The following WWOX variants were observed in gnomAD, a reference collection of about 807,000 sequenced individuals.
WWOX encodes the protein WW domain-containing oxidoreductase.
WWOX carries 69 observed loss-of-function variants against 46.2 expected under a neutral mutation model. The ratio of observed to expected loss-of-function variants is 1.49; its 90% CI spans 1.23 to 1.82. The LOEUF is 1.82. Among genes scored for constraint, WWOX ranks in the 40% most tolerant of loss-of-function variants. The pLI is 0.00. For synonymous variants in WWOX, 359 were observed against 202.6 expected (o/e 1.77, Z -6.56); for missense variants, 919 against 542.6 (o/e 1.69, Z -6.89).
At chr16:79,187,690 C>T (rs985014834) in intron 8 of WWOX, among the ~76,000 whole-genome samples, 12 of 151,994 alleles carry the variant, frequency 7.9e-5, no homozygotes, top group African/African-American at 1.9e-4. Context: ...TACAGGCATG[C>T]GCCACCATGC....
rs1449913227 is a variant in WWOX at position 79,104,863 on chromosome 16, C to G, written c.1057-106745C>G. Among the ~76,000 whole-genome samples the G allele has an allele frequency of 2.6e-5, 4 of 152,110 alleles. No homozygotes were observed. In the East Asian group the frequency reaches 7.7e-4, roughly 29 times the overall value. On this transcript the variant is annotated intron_variant, in intron 8 of 8. Coordinates refer to ENST00000566780, the MANE Select transcript of WWOX (RefSeq NM_016373.4). Reference sequence around the variant, plus strand: ...CAATCCCCACTTGACCAAAGGTGTCCAAACCTCGACAGACAGCGGCCAGAG... The same window carrying G: ...CAATCCCCACTTGACCAAAGGTGTCGAAACCTCGACAGACAGCGGCCAGAG...
chr16:79,144,725 T>G (rs1281190769), intron 8 of WWOX, among the ~76,000 whole-genome samples: 2 of 152,230 alleles, frequency 1.3e-5, no homozygotes, highest in African/African-American at 2.4e-5. Context: ...ACAGTAGTCC[T>G]TAATTACAGT....
rs561252338 is a variant in WWOX, at chr16:78,867,558, T to A, written c.1057-344050T>A. On this transcript the variant is annotated intron_variant, in intron 8 of 8. Transcript: ENST00000566780. ...TTGTGTGTGTGTTTTTGTTTTTTTT[T>A]AAGACGGAGCTTTGCTCTTTCACCC... Among the ~76,000 whole-genome samples the A allele has an allele frequency of 3.1e-4, 47 of 151,988 alleles. 1 individual carries two copies. The South Asian group carries it at 7.9e-3, about 26-fold the overall frequency.
At chr16:78,809,632 C>G (rs971405189) in intron 8 of WWOX, among the ~76,000 whole-genome samples, 3 of 151,974 alleles carry the variant, frequency 2.0e-5, no homozygotes, top group African/African-American at 4.8e-5. Context: ...GAAATTTAAC[C>G]TAGTACACAG....
intron 7 of WWOX, among the ~76,000 whole-genome samples, chr16:78,425,449 A>C (rs4129721): frequency 0.29 from 43,962 of 152,088 alleles, 11,083 homozygotes; most frequent in African/African-American, 0.68. Context: ...AGATGAAATC[A>C]AATTGTTTTA....
At chr16:79,007,942 A>C (rs987691882) in intron 8 of WWOX, among the ~76,000 whole-genome samples, 26 of 152,184 alleles carry the variant, frequency 1.7e-4, no homozygotes, top group African/African-American at 4.1e-4. Context: ...TGTGTTAGCT[A>C]TCTCTTGCTG....
chr16:79,096,646 T>A (rs2049080338), intron 8 of WWOX, among the ~76,000 whole-genome samples: 1 of 152,224 alleles, frequency 6.6e-6, no homozygotes, highest in Non-Finnish European at 1.5e-5. Context: ...CTCCATATTA[T>A]CATTGCCATC....
At chr16:78,311,235 C>CA (rs1161935153) in intron 5 of WWOX, among the ~76,000 whole-genome samples, 3 of 152,118 alleles carry the variant, frequency 2.0e-5, no homozygotes, top group African/African-American at 7.2e-5. Flanking sequence ...GGTTTCCTAT[C>CA]AGTTGCATTC....
chr16:79,058,112 A>C (rs991329721), intron 8 of WWOX, among the ~76,000 whole-genome samples: 39 of 82,448 alleles, frequency 4.7e-4, no homozygotes, highest in Non-Finnish European at 8.6e-4. Flanking sequence ...TACTTAAAAA[A>C]AAAAAAAACA....
At chr16:78,997,580 A>T (rs1000980015) in intron 8 of WWOX, among the ~76,000 whole-genome samples, 7 of 152,122 alleles carry the variant, frequency 4.6e-5, no homozygotes, top group South Asian at 4.1e-4. Flanking sequence ...GTACCTATAA[A>T]ATTGACGCTC....
chr16:78,936,376 C>G (rs564661997), intron 8 of WWOX, among the ~76,000 whole-genome samples: 2 of 152,146 alleles, frequency 1.3e-5, no homozygotes, highest in Non-Finnish European at 2.9e-5. Context: ...GACCCCAAAA[C>G]TAACCCAAGC....
chr16:78,401,125 T>A (rs1024733404), intron 6 of WWOX, among the ~76,000 whole-genome samples: 1 of 152,234 alleles, frequency 6.6e-6, no homozygotes, highest in Non-Finnish European at 1.5e-5. Flanking sequence ...CTGCCTTGTT[T>A]TTTTCTTTGA....
intron 8 of WWOX, among the ~76,000 whole-genome samples, chr16:79,163,641 A>G (rs1248889277): frequency 6.6e-6 from 1 of 152,086 alleles, no homozygotes; most frequent in East Asian, 1.9e-4. Flanking sequence ...TCTACTAAAC[A>G]TACAAAATTA....
chr16:78,638,419 C>T (rs1252820031), intron 8 of WWOX, among the ~76,000 whole-genome samples: 1 of 152,116 alleles, frequency 6.6e-6, no homozygotes, highest in Non-Finnish European at 1.5e-5. Context: ...TACCACCTTC[C>T]ACCACCATTT....
intron 8 of WWOX, among the ~76,000 whole-genome samples, chr16:78,490,133 A>ATTT (rs1555548515): frequency 4.3e-5 from 6 of 141,070 alleles, no homozygotes; most frequent in African/African-American, 1.5e-4. Context: ...TGGGGAAAAA[A>ATTT]TTTTTTTTTT....
intron 8 of WWOX, among the ~76,000 whole-genome samples, chr16:78,560,204 G>A (rs1214059800): frequency 1.3e-5 from 2 of 152,126 alleles, no homozygotes; most frequent in African/African-American, 4.8e-5. Context: ...ACTGAAACAG[G>A]TACCTTTTGT....
chr16:78,583,768 C>G (rs1351995959), intron 8 of WWOX, among the ~76,000 whole-genome samples: 1 of 152,214 alleles, frequency 6.6e-6, no homozygotes, highest in African/African-American at 2.4e-5. Context: ...CATGGAAAAT[C>G]AGGAGCCAAG....
At chr16:78,728,345 T>C (rs749451838) in intron 8 of WWOX, among the ~76,000 whole-genome samples, 9 of 152,106 alleles carry the variant, frequency 5.9e-5, no homozygotes, top group Non-Finnish European at 8.8e-5. Flanking sequence ...GCTAGGATGA[T>C]GATAGGCAGG....
chr16:78,334,785 C>T (rs956021450), intron 5 of WWOX, among the ~76,000 whole-genome samples: 1 of 147,080 alleles, frequency 6.8e-6, no homozygotes, highest in African/African-American at 2.5e-5. Flanking sequence ...ATGGGAAAGT[C>T]TCCCCTCCAC....
Sources: gnomAD v4.1 joint callset for allele counts (sites outside exome capture counted in the v4.1 genomes callset) on GRCh38, gnomAD v4.1.1 for gene constraint, MANE v1.5 for transcripts, NCBI Gene and HGNC (gene_info 2026-07-23, HGNC 2026-07-21) for gene names.